Variants in EDAR observed in about 807,000 individuals in gnomAD.
EDAR encodes ectodysplasin A receptor, also known as tumor necrosis factor receptor superfamily member EDAR.
Under a neutral mutation model 51.3 loss-of-function variants are expected in EDAR, and 38 were observed. That is an observed-to-expected ratio of 0.74 (90% confidence interval 0.57 to 0.97). The LOEUF (loss-of-function observed/expected upper bound fraction) is 0.97, where lower values mean the gene tolerates loss of function less well. Ranked by LOEUF, EDAR falls within the 50% of genes least tolerant of loss-of-function variation. The pLI, the probability that EDAR is intolerant of heterozygous loss-of-function variation, is 0.00. For synonymous variants in EDAR, 227 were observed against 242.1 expected, an observed-to-expected ratio of 0.94 and a Z score of 0.58; for missense variants, 528 against 595.0, an observed-to-expected ratio of 0.89 and a Z score of 1.17.
At chr2:108,902,407 C>T (rs1191753681) in intron 11 of EDAR, among the ~76,000 whole-genome samples, 2 of 152,030 alleles carry the variant, frequency 1.3e-5, no homozygotes, top group African/African-American at 2.4e-5. Flanking sequence ...AAAAAAACCT[C>T]CCCAAAAGAA....
chr2:108,981,113 T>G (rs942847447), intron 1 of EDAR, among the ~76,000 whole-genome samples: 1 of 152,064 alleles, frequency 6.6e-6, no homozygotes, highest in African/African-American at 2.4e-5. Flanking sequence ...CTCTCGGAAA[T>G]CCACATAATA....
chr2:108,937,556 TTATG>T (rs752498914), intron 1 of EDAR, among the ~76,000 whole-genome samples: 17 of 151,744 alleles, frequency 1.1e-4, no homozygotes, highest in Non-Finnish European at 2.4e-4. Flanking sequence ...TGTGTGAATG[TTATG>T]TGTGTGTGTA....
chr2:108,984,698 T>C (rs949725025), intron 1 of EDAR, among the ~76,000 whole-genome samples: 3 of 152,156 alleles, frequency 2.0e-5, no homozygotes, highest in Non-Finnish European at 4.4e-5. Flanking sequence ...TTGTTTTTTT[T>C]TCATGGCGCT....
At chr2:108,917,521 C>A (rs1697049357) in intron 5 of EDAR, among the ~76,000 whole-genome samples, 1 of 152,116 alleles carries the variant, frequency 6.6e-6, no homozygotes, top group South Asian at 2.1e-4. Flanking sequence ...ACTCTGTACC[C>A]CATAAACATG....
intron 1 of EDAR, among the ~76,000 whole-genome samples, chr2:108,964,111 C>T (rs949024350): frequency 1.3e-5 from 2 of 152,176 alleles, no homozygotes; most frequent in African/African-American, 2.4e-5. Context: ...TAAACAGACA[C>T]GTATGGCTGT....
At chr2:108,987,334 G>C (rs1698515396) in intron 1 of EDAR, among the ~76,000 whole-genome samples, 1 of 152,224 alleles carries the variant, frequency 6.6e-6, no homozygotes, top group South Asian at 2.1e-4. Flanking sequence ...CCATTTAACA[G>C]AGGCAAGTAG....
intron 1 of EDAR, among the ~76,000 whole-genome samples, chr2:108,944,941 GTCCCTGCTT>G (rs1697687469): frequency 6.6e-6 from 1 of 152,190 alleles, no homozygotes; most frequent in African/African-American, 2.4e-5. Flanking sequence ...GGCCTAGGGT[GTCCCTGCTT>G]GGATGTTTCC....
chr2:108,913,029 A>C (rs928486245), intron 5 of EDAR, among the ~76,000 whole-genome samples: 1 of 151,242 alleles, frequency 6.6e-6, no homozygotes, highest in African/African-American at 2.4e-5. Flanking sequence ...GCTCACTGCA[A>C]GCTCTGCCTC....
intron 1 of EDAR, among the ~76,000 whole-genome samples, chr2:108,982,298 A>C (rs1698432944): frequency 6.6e-6 from 1 of 152,226 alleles, no homozygotes; most frequent in Admixed American, 6.5e-5. Flanking sequence ...CTGTTTACAG[A>C]GATGAACCCA....
intron 1 of EDAR, among the ~76,000 whole-genome samples, chr2:108,947,565 G>T (rs976265383): frequency 2.0e-5 from 3 of 152,176 alleles, no homozygotes; most frequent in Non-Finnish European, 2.9e-5. Context: ...GACTCCCAAA[G>T]CTCAATTCTT....
Position 108,935,296 on chromosome 2 carries a change from T to C in EDAR, c.-18-4264A>G, listed in dbSNP as rs146250414. Among the ~76,000 whole-genome samples the C allele has an allele frequency of 2.6e-5, 4 of 152,284 alleles. No homozygotes were observed. The East Asian group carries it at 7.7e-4, about 29-fold the overall frequency. ...ACCCCAGCCAGGCACTACCATGGCTTAATCCTCACCATTGCCACTTTGTTG... is the reference window on the plus strand; with the variant it reads ...ACCCCAGCCAGGCACTACCATGGCTCAATCCTCACCATTGCCACTTTGTTG... On this transcript the variant is annotated intron_variant, in intron 1 of 11. Transcript: ENST00000258443.
intron 1 of EDAR, among the ~76,000 whole-genome samples, chr2:108,965,889 C>G (rs1160657546): frequency 6.6e-6 from 1 of 152,026 alleles, no homozygotes; most frequent in Non-Finnish European, 1.5e-5. Context: ...CCCTCTCCCC[C>G]CAGGCAAAGA....
chr2:108,941,813 G>A (rs185048777), intron 1 of EDAR, among the ~76,000 whole-genome samples: 3 of 152,178 alleles, frequency 2.0e-5, no homozygotes, highest in East Asian at 1.9e-4. Context: ...CCCTCACTAC[G>A]CAAGGGCACT....
intron 1 of EDAR, among the ~76,000 whole-genome samples, chr2:108,962,611 C>A (rs1328250582): frequency 7.0e-6 from 1 of 143,394 alleles, no homozygotes; most frequent in Non-Finnish European, 1.5e-5. Flanking sequence ...GGAGGCGGAG[C>A]TTGCAGAGAG....
chr2:108,905,147 A>AGAGGGT (rs1696776898), intron 11 of EDAR, among the ~76,000 whole-genome samples: 3 of 152,202 alleles, frequency 2.0e-5, no homozygotes, highest in Admixed American at 2.0e-4. Flanking sequence ...GGATGGGCAG[A>AGAGGGT]GAGGGTGTTA....
intron 4 of EDAR, among the ~76,000 whole-genome samples, chr2:108,923,675 C>G (rs971457524): frequency 9.2e-5 from 14 of 152,238 alleles, no homozygotes; most frequent in Non-Finnish European, 1.8e-4. Flanking sequence ...CAACGTGGGC[C>G]TTTCTTTTGA....
In EDAR at chr2:108,917,439, AC is replaced by A. The variant is rs550267470; in HGVS notation, c.443-4676del. On this transcript the variant is annotated intron_variant, in intron 5 of 11. Coordinates refer to ENST00000258443, the MANE Select transcript of EDAR (RefSeq NM_022336.4). Reference sequence around the variant, plus strand: ...TGTTCCCAACACAAAGAAGTGATAAACGTTTGAGGTCATGGATATCATAATT... The same window carrying A: ...TGTTCCCAACACAAAGAAGTGATAAAGTTTGAGGTCATGGATATCATAATT... Among the ~76,000 whole-genome samples the A allele has an allele frequency of 2.9e-3, 438 of 152,212 alleles. 2 individuals carry two copies. The highest frequency in any genetic ancestry group is 4.6e-3 in the Non-Finnish European group (310 of 67,988).
chr2:108,985,393 G>A (rs1243884323), intron 1 of EDAR, among the ~76,000 whole-genome samples: 1 of 152,248 alleles, frequency 6.6e-6, no homozygotes, highest in Non-Finnish European at 1.5e-5. Flanking sequence ...TGACCGTGAA[G>A]TGAGTTAAGC....
At chr2:108,960,420 C>G (rs925442848) in intron 1 of EDAR, among the ~76,000 whole-genome samples, 1 of 152,088 alleles carries the variant, frequency 6.6e-6, no homozygotes, top group Non-Finnish European at 1.5e-5. Context: ...GGTGCTCCCC[C>G]CAAAAACAGG....
Sources: allele counts gnomAD v4.1 joint callset (sites outside exome capture counted in the v4.1 genomes callset), GRCh38; gene constraint gnomAD v4.1.1; transcripts MANE v1.5; gene names NCBI Gene and HGNC (gene_info 2026-07-23, HGNC 2026-07-21).